The following HEATR1 variants were observed in gnomAD, a reference collection of about 807,000 sequenced individuals.
HEATR1 encodes the protein HEAT repeat containing 1.
A neutral mutation model predicts 248.2 loss-of-function variants in HEATR1; 77 were observed. That is an observed-to-expected ratio of 0.31 (90% confidence interval 0.26 to 0.37). The LOEUF (loss-of-function observed/expected upper bound fraction) is 0.37, where lower values mean the gene tolerates loss of function less well. Ranked by LOEUF, HEATR1 falls within the 10% of genes least tolerant of loss-of-function variation. The pLI is 1.00. For missense variants in HEATR1, 2,420 were observed against 2,504.9 expected (o/e 0.97, Z 0.72); for synonymous variants, 897 against 923.1 (o/e 0.97, Z 0.51).
In HEATR1 at chr1:236,592,019, G is replaced by A. The variant is rs753618231; in HGVS notation, c.1396C>T (p.Leu466Phe). The A allele has an allele frequency of 1.2e-6, 2 of 1,601,794 alleles. No homozygotes were observed. Among genetic ancestry groups the A allele is most frequent in the Non-Finnish European group, 8.5e-7 (1 of 1,170,708 alleles). Residue 466 changes from leucine (L) to phenylalanine (F), a missense_variant, in exon 11 of 45, where the codon CTT (leucine) becomes TTT (phenylalanine). Physicochemically the swap from Leu to Phe is conservative, Grantham distance 22. Coordinates refer to ENST00000366582, the MANE Select transcript of HEATR1 (RefSeq NM_018072.6). The stretch of plus-strand genomic sequence containing the variant: ...TGATACTTTCCTCCACTTGTAGAAA[G>A]AGAAACAAACTGATGGAAAAGCTCT... ...KQELFHQFVS[L>F]STSGGKYQFL... is the part of the protein sequence containing the mutation.
intron 31 of HEATR1, 142 bp downstream of exon 31, chr1:236,565,777 T>C: frequency 1.3e-6 from 1 of 793,508 alleles, no homozygotes; most frequent in South Asian, 2.1e-5. Context: ...TCCATAAGGA[T>C]TCAAGAAACT....
In HEATR1 at chr1:236,596,894, A is replaced by G. The variant is rs1452348478; in HGVS notation, c.686T>C (p.Val229Ala). ...FYASTIVSAL[V>A]AAEDVSDNII... Reference sequence around the variant, plus strand: ...ATTGTCTGATACGTCCTCTGCAGCTACCAGCGCCGACACTATGGTAGAAGC... The same window carrying G: ...ATTGTCTGATACGTCCTCTGCAGCTGCCAGCGCCGACACTATGGTAGAAGC... The change falls in exon 6 of 45, where the codon GTA (valine) becomes GCA (alanine). Residue 229 changes from valine (V) to alanine (A), a missense_variant. By Grantham distance (64) the Val-to-Ala change is moderately conservative. Transcript: ENST00000366582. 1.9e-6 allele frequency: 3 copies of G among 1,614,144 alleles called. No homozygotes were observed. Among genetic ancestry groups the G allele is most frequent in the Non-Finnish European group, 2.5e-6 (3 of 1,180,012 alleles).
chr1:236,601,677 CA>C (rs111816733), intron 3 of HEATR1, among the ~76,000 whole-genome samples: 12,533 of 80,898 alleles, frequency 0.15, 640 homozygotes, highest in East Asian at 0.37. Context: ...AACAAACAAA[CA>C]AAAAAAAAAC....
intron 8 of HEATR1, among the ~76,000 whole-genome samples, chr1:236,594,443 A>C (rs1473171653): frequency 6.6e-6 from 1 of 152,216 alleles, no homozygotes; most frequent in Non-Finnish European, 1.5e-5. Flanking sequence ...CCAATCAACT[A>C]TCTCTGAAAA....
intron 37 of HEATR1, 50 bp from the exon 38 acceptor site, chr1:236,556,308 C>CA: frequency 6.3e-7 from 1 of 1,579,798 alleles, no homozygotes; most frequent in Non-Finnish European, 8.7e-7. Context: ...TCTTCGCTGA[C>CA]AAACACACAC....
chr1:236,597,842 T>C, intron 5 of HEATR1, 36 bp downstream of exon 5: 1 of 1,353,026 alleles, frequency 7.4e-7, no homozygotes, highest in South Asian at 1.2e-5. Flanking sequence ...AGCAATCTTT[T>C]CATAAAATTA....
rs752629897 is a variant in HEATR1 at position 236,556,200 on chromosome 1, C to T, written c.5414G>A (p.Arg1805His). ...EMGSASQANI[R>H]LTSLKKTLAT... is the part of the protein sequence containing the mutation. ...CAGTGTCTTTTTAAGAGATGTGAGA[C>T]GGATATTAGCCTGTGACGCAGAACC... The change falls in exon 38 of 45, where the codon CGT becomes CAT. Residue 1805 changes from arginine to histidine, a missense_variant. By Grantham distance (29) the Arg-to-His change is conservative. Transcript: ENST00000366582. The T allele has an allele frequency of 4.6e-5, 74 of 1,613,812 alleles. No homozygotes were observed. Among genetic ancestry groups the T allele is most frequent in the African/African-American group, 5.3e-5 (4 of 74,834 alleles).
At chr1:236,601,712 C>T (rs780234968) in intron 3 of HEATR1, among the ~76,000 whole-genome samples, 1 of 152,018 alleles carries the variant, frequency 6.6e-6, no homozygotes, top group Non-Finnish European at 1.5e-5. Context: ...TGGTGCATGC[C>T]TGTAATCCCA....
chr1:236,579,736 T>C (rs1192876268), intron 20 of HEATR1, among the ~76,000 whole-genome samples: 2 of 152,132 alleles, frequency 1.3e-5, no homozygotes, highest in South Asian at 4.1e-4. Context: ...ATTACTTTTG[T>C]GGAATTTTAT....
Position 236,549,680 on chromosome 1 carries a change from G to C in HEATR1, c.*1222C>G, listed in dbSNP as rs1662626468. On this transcript the variant is annotated 3_prime_UTR_variant, in exon 45 of 45. Transcript: ENST00000366582. ...AGCTGTAGAAGGCAAGAAGACTCGA[G>C]AATCCCCCAGAGTTATTTTTCTCCA... 1 of 152,110 alleles carries C rather than the reference G, an allele frequency of 6.6e-6. No individual in the cohort carries two copies. Among genetic ancestry groups the C allele is most frequent in the Non-Finnish European group, 1.5e-5 (1 of 68,038 alleles). The allele number at this position is 152,110 out of a possible 1,614,324, so 9.4% of individuals were successfully genotyped here.
In HEATR1 at chr1:236,585,194, C is replaced by T; in HGVS notation, c.2072G>A (p.Gly691Asp). 1 of 1,611,416 alleles carries T rather than the reference C, an allele frequency of 6.2e-7. No homozygotes were observed. The highest frequency in any genetic ancestry group is 1.1e-5 in the South Asian group (1 of 90,380). The change falls in exon 17 of 45, where the codon GGT becomes GAT. Residue 691 changes from glycine (G) to aspartate (D), a missense_variant. Gly to Asp is a moderately conservative substitution (Grantham distance 94). Transcript: ENST00000366582. ...LKMVEDLISV[G>D]EEESFNLKQK... ...CTTCAGGTTAAAGGACTCCTCCTCA[C>T]CCACGCTTATTAAATCCTCCACCTT...
intron 20 of HEATR1, among the ~76,000 whole-genome samples, chr1:236,580,848 T>C (rs1438230756): frequency 7.6e-6 from 1 of 131,162 alleles, no homozygotes; most frequent in Admixed American, 8.3e-5. Context: ...TGAGATGGAG[T>C]CTCGCTGTGT....
At chr1:236,586,562 G>A (rs974095329) in intron 14 of HEATR1, 110 bp from the exon 15 acceptor site, 47 of 680,332 alleles carry the variant, frequency 6.9e-5, no homozygotes, top group African/African-American at 6.9e-4. Flanking sequence ...CTGGTCTCCT[G>A]ACCAAAACTA....
chr1:236,587,841 T>A (rs1663935442), intron 13 of HEATR1, 107 bp downstream of exon 13: 3 of 746,446 alleles, frequency 4.0e-6, no homozygotes, highest in East Asian at 5.6e-5. Context: ...AAATTTCCCA[T>A]GGAAAAATAA....
At chr1:236,558,950 T>C in intron 35 of HEATR1, 45 bp downstream of exon 35, 2 of 1,511,210 alleles carry the variant, frequency 1.3e-6, no homozygotes, top group Non-Finnish European at 1.8e-6. Context: ...AGCTCTTTGA[T>C]AAAGCAAAGT....
At chr1:236,586,497 GC>G in intron 14 of HEATR1, 45 bp from the exon 15 acceptor site, 1 of 1,389,274 alleles carries the variant, frequency 7.2e-7, no homozygotes, top group Non-Finnish European at 1.0e-6. Flanking sequence ...ACATTGGAAG[GC>G]TTCAATTGGG....
Position 236,589,265 on chromosome 1 carries a change from CAA to C in HEATR1, c.1531-1224_1531-1223del, listed in dbSNP as rs1299798928. On this transcript the variant is annotated intron_variant, in intron 12 of 44. Coordinates refer to ENST00000366582, the MANE Select transcript of HEATR1 (RefSeq NM_018072.6). ...TATCACTGAAATCCTCCTATCACAACAAAGACTATTATTCAATGAATTTATTT... is the reference window on the plus strand; with the variant it reads ...TATCACTGAAATCCTCCTATCACAACAGACTATTATTCAATGAATTTATTT... Among the ~76,000 whole-genome samples, 5 of 152,294 alleles carry C rather than the reference CAA, an allele frequency of 3.3e-5. No homozygotes were observed. The South Asian group carries it at 8.3e-4, about 25-fold the overall frequency.
In HEATR1 at chr1:236,589,952, T is replaced by C. The variant is rs953007991; in HGVS notation, c.1530+895A>G. ...CTACTATCAGTGGTAATTTGTAATT[T>C]AGCAAAAATTGTACAGGGACTGCTT... is the stretch of plus-strand genomic sequence containing the variant. On this transcript the variant is annotated intron_variant, in intron 12 of 44. Coordinates refer to ENST00000366582, the MANE Select transcript of HEATR1 (RefSeq NM_018072.6). Among the ~76,000 whole-genome samples the C allele has an allele frequency of 2.0e-5, 3 of 152,228 alleles. No homozygotes were observed. The South Asian group carries it at 6.2e-4, about 31-fold the overall frequency.
intron 3 of HEATR1, among the ~76,000 whole-genome samples, chr1:236,602,136 C>CA (rs201076198): frequency 0.037 from 5,307 of 142,176 alleles, 142 homozygotes; most frequent in Admixed American, 0.1. Context: ...GAGACTGTCT[C>CA]AAAAAAAAAA....
Sources: gnomAD v4.1 joint callset for allele counts (sites outside exome capture counted in the v4.1 genomes callset) on GRCh38, gnomAD v4.1.1 for gene constraint, MANE v1.5 for transcripts, NCBI Gene and HGNC (gene_info 2026-07-23, HGNC 2026-07-21) for gene names.